Variants in SLC13A3 observed in about 807,000 individuals in gnomAD.
SLC13A3 encodes the protein solute carrier family 13 member 3.
A neutral mutation model predicts 59.0 loss-of-function variants in SLC13A3; 40 were observed. The ratio of observed to expected loss-of-function variants is 0.68; its 90% CI spans 0.53 to 0.88. SLC13A3 has a LOEUF of 0.88. Among genes scored for constraint, SLC13A3 ranks in the 40% least tolerant of loss-of-function variants. The pLI, the probability that SLC13A3 is intolerant of heterozygous loss-of-function variation, is 0.00. For synonymous variants in SLC13A3, 317 were observed against 330.3 expected, an observed-to-expected ratio of 0.96 and a Z score of 0.44; for missense variants, 699 against 783.2, an observed-to-expected ratio of 0.89 and a Z score of 1.28.
intron 10 of SLC13A3, among the ~76,000 whole-genome samples, chr20:46,575,132 C>T (rs904230879): frequency 2.6e-4 from 39 of 152,044 alleles, no homozygotes; most frequent in African/African-American, 9.4e-4. Context: ...CAGAGTGAAA[C>T]TCTGTCTCAA....
chr20:46,679,012 C>T (rs566097383), intron 1 of SLC13A3, among the ~76,000 whole-genome samples: 3 of 152,300 alleles, frequency 2.0e-5, no homozygotes, highest in South Asian at 4.1e-4. Context: ...TTGCCTTCCA[C>T]CATGATCGGA....
At chr20:46,630,102 C>T (rs576446274) in intron 1 of SLC13A3, among the ~76,000 whole-genome samples, 13 of 152,170 alleles carry the variant, frequency 8.5e-5, no homozygotes, top group Non-Finnish European at 1.5e-4. Flanking sequence ...TCAACATGGA[C>T]CCAGAACATG....
At chr20:46,566,831 T>A (rs772629068) in intron 10 of SLC13A3, among the ~76,000 whole-genome samples, 25 of 150,068 alleles carry the variant, frequency 1.7e-4, no homozygotes, top group Non-Finnish European at 3.4e-4. Flanking sequence ...TATATTAATA[T>A]GTATGAAATA....
At chr20:46,648,063 A>T (rs1437847817) in intron 1 of SLC13A3, among the ~76,000 whole-genome samples, 2 of 152,180 alleles carry the variant, frequency 1.3e-5, no homozygotes, top group Non-Finnish European at 2.9e-5. Context: ...CCCAGCAAGC[A>T]TGTTTTGAAG....
At chr20:46,588,888 C>G (rs1438268489) in intron 7 of SLC13A3, among the ~76,000 whole-genome samples, 1 of 152,168 alleles carries the variant, frequency 6.6e-6, no homozygotes, top group Non-Finnish European at 1.5e-5. Flanking sequence ...ATTCTGCGTA[C>G]CGGGAGGGAA....
intron 1 of SLC13A3, among the ~76,000 whole-genome samples, chr20:46,656,628 T>C (rs2062996496): frequency 6.7e-6 from 1 of 149,130 alleles, no homozygotes; most frequent in African/African-American, 2.5e-5. Context: ...TATTATACTG[T>C]ATATGATATA....
At chr20:46,584,610 T>C (rs1191442633) in intron 8 of SLC13A3, 2 of 552,800 alleles carry the variant, frequency 3.6e-6, no homozygotes, top group Non-Finnish European at 4.6e-6. Context: ...TGGTATACCA[T>C]TCATTTGCCA....
At chr20:46,563,632 G>GAGAGAGAGAA in intron 11 of SLC13A3, 81 bp from the exon 12 acceptor site, 3 of 1,455,550 alleles carry the variant, frequency 2.1e-6, no homozygotes, top group Admixed American at 2.2e-5. Context: ...GAGAGAGAGA[G>GAGAGAGAGAA]GCAGTTGGAA....
At chr20:46,582,113 C>A (rs929987338) in intron 9 of SLC13A3, among the ~76,000 whole-genome samples, 5 of 151,950 alleles carry the variant, frequency 3.3e-5, no homozygotes, top group Non-Finnish European at 7.4e-5. Flanking sequence ...TGTAGCAAGA[C>A]CCCTGTTCCT....
intron 12 of SLC13A3, among the ~76,000 whole-genome samples, chr20:46,561,659 T>G (rs945741378): frequency 2.1e-5 from 3 of 142,924 alleles, no homozygotes; most frequent in East Asian, 4.7e-4. Flanking sequence ...AGTTTTTTTT[T>G]GTTTTTTTTT....
At chr20:46,612,119 C>G (rs1298215601) in intron 2 of SLC13A3, among the ~76,000 whole-genome samples, 1 of 105,092 alleles carries the variant, frequency 9.5e-6, no homozygotes, top group African/African-American at 4.4e-5. Flanking sequence ...TTCTCTCTCT[C>G]TTTGCTTTTT....
At chr20:46,634,299 A>G (rs2062774052) in intron 1 of SLC13A3, among the ~76,000 whole-genome samples, 1 of 152,102 alleles carries the variant, frequency 6.6e-6, no homozygotes, top group African/African-American at 2.4e-5. Context: ...TTCCAGAGGG[A>G]GAGACTGAGG....
At chr20:46,613,198 A>G (rs1040367511) in intron 2 of SLC13A3, among the ~76,000 whole-genome samples, 2 of 151,708 alleles carry the variant, frequency 1.3e-5, no homozygotes, top group East Asian at 1.9e-4. Flanking sequence ...GGGGGTCAGC[A>G]GCTCATGTTC....
intron 8 of SLC13A3, chr20:46,585,524 A>G: frequency 9.7e-7 from 1 of 1,030,456 alleles, no homozygotes; most frequent in Non-Finnish European, 1.2e-6. Context: ...TCATTGAGGT[A>G]TAATTAACAT....
At chr20:46,618,614 A>G (rs2062585280) in intron 1 of SLC13A3, among the ~76,000 whole-genome samples, 1 of 152,264 alleles carries the variant, frequency 6.6e-6, no homozygotes, top group South Asian at 2.1e-4. Context: ...GTGAGGACAC[A>G]GCAATAAGGC....
At position 46,563,509 on chromosome 20, in the gene SLC13A3, C is replaced by T. The variant is rs149808107; in HGVS notation, c.1537G>A (p.Gly513Ser). Residue 513 changes from glycine to serine, a missense_variant, in exon 12 of 13, where the codon GGC (glycine) becomes AGC (serine). Transcript: ENST00000279027. ...RVHPLYLMIP[G>S]TVGCSFAFML... ...AAGGCAAAGGAGCAGCCGACTGTGC[C>T]CGGAATCATCAGATACAGGGGGTGC... 1.2e-5 allele frequency: 20 copies of T among 1,613,826 alleles called. No individual in the cohort carries two copies. Among genetic ancestry groups the T allele is most frequent in the African/African-American group, 4.0e-5 (3 of 74,878 alleles).
intron 1 of SLC13A3, among the ~76,000 whole-genome samples, chr20:46,634,770 T>C (rs946401256): frequency 1.3e-5 from 2 of 152,172 alleles, no homozygotes; most frequent in African/African-American, 2.4e-5. Context: ...CACGTTGTTC[T>C]GAGAAAATAA....
intron 4 of SLC13A3, among the ~76,000 whole-genome samples, chr20:46,596,899 A>T (rs2062317702): frequency 1.3e-5 from 2 of 152,140 alleles, no homozygotes; most frequent in African/African-American, 4.8e-5. Context: ...AAAAAAATTT[A>T]AAAATCAGCT....
intron 1 of SLC13A3, among the ~76,000 whole-genome samples, chr20:46,676,883 C>T (rs138069043): frequency 1.4e-3 from 218 of 152,112 alleles, no homozygotes; most frequent in Middle Eastern, 3.4e-3. Flanking sequence ...GCCAGGGTGG[C>T]CAGGAGGGGG....
Sources: allele counts gnomAD v4.1 joint callset (sites outside exome capture counted in the v4.1 genomes callset), GRCh38; gene constraint gnomAD v4.1.1; transcripts MANE v1.5; gene names NCBI Gene and HGNC (gene_info 2026-07-23, HGNC 2026-07-21).